FAM169A: variants seen among roughly 807,000 people sequenced by gnomAD.
FAM169A encodes the protein family with sequence similarity 169 member A, also known as soluble lamin-associated protein of 75 kDa.
In FAM169A, 24 loss-of-function variants were observed where a neutral mutation model predicts 75.7. The ratio of observed to expected loss-of-function variants is 0.32; its 90% CI spans 0.23 to 0.45. The LOEUF is 0.45. Ranked by LOEUF, FAM169A falls within the 20% of genes least tolerant of loss-of-function variation. The probability of loss-of-function intolerance (pLI) is 1.00; values close to 1 mark genes in which losing one functional copy is unlikely to be tolerated. For missense variants in FAM169A, 673 were observed against 784.0 expected, an observed-to-expected ratio of 0.86 and a Z score of 1.69; for synonymous variants, 271 against 271.0, an observed-to-expected ratio of 1.00 and a Z score of 0.00.
Position 74,799,880 on chromosome 5 carries a change from CAT to C in FAM169A, c.1103+998_1103+999del, listed in dbSNP as rs370232411. The C allele has an allele frequency of 1.2e-3, 1,223 of 991,694 alleles. 15 individuals are homozygous for C. In the African/African-American group the frequency reaches 0.017, roughly 13 times the overall value. The allele number at this position is 991,694 out of a possible 1,614,324, so 61.4% of individuals were successfully genotyped here. A position where few individuals can be genotyped will look rare whatever the true frequency, so the allele number is the denominator to read the frequency against. On this transcript the variant is annotated intron_variant, in intron 10 of 12. Coordinates refer to ENST00000687041, the MANE Select transcript of FAM169A (RefSeq NM_001376049.1). Reference sequence around the variant, plus strand: ...TTCCAAAACAGAGCATCCAACGCAACATGTCTGCCATGGAATGCTTCTGCAAC... The same window carrying C: ...TTCCAAAACAGAGCATCCAACGCAACGTCTGCCATGGAATGCTTCTGCAAC...
At position 74,786,047 on chromosome 5, in the gene FAM169A, G is replaced by A. The variant is rs1370270400; in HGVS notation, c.1261-2913C>T. Among the ~76,000 whole-genome samples the A allele has an allele frequency of 3.9e-5, 6 of 152,292 alleles. No individual in the cohort carries two copies. In the East Asian group the frequency reaches 1.2e-3, roughly 29 times the overall value. On this transcript the variant is annotated intron_variant, in intron 11 of 12. Coordinates refer to ENST00000687041, the MANE Select transcript of FAM169A (RefSeq NM_001376049.1). Reference sequence around the variant, plus strand: ...ATCTAATCAGCTGCCAGCATGGCCAGAATAAAAAGCAGGCAGAAGAACGTG... The same window carrying A: ...ATCTAATCAGCTGCCAGCATGGCCAAAATAAAAAGCAGGCAGAAGAACGTG...
chr5:74,851,669 C>T (rs952110928), intron 1 of FAM169A, among the ~76,000 whole-genome samples: 18 of 152,160 alleles, frequency 1.2e-4, no homozygotes, highest in Admixed American at 3.9e-4. Context: ...TAAAGTAATA[C>T]ATTTGCCTGT....
intron 11 of FAM169A, among the ~76,000 whole-genome samples, chr5:74,795,398 G>C (rs980328642): frequency 1.3e-5 from 2 of 152,094 alleles, no homozygotes; most frequent in African/African-American, 4.8e-5. Context: ...GAAAGGAAAA[G>C]ATTGAAGATA....
intron 11 of FAM169A, among the ~76,000 whole-genome samples, chr5:74,794,853 G>A (rs1319255056): frequency 1.3e-5 from 2 of 151,948 alleles, no homozygotes; most frequent in Non-Finnish European, 2.9e-5. Flanking sequence ...TACTCGGGAG[G>A]CAGAGGCAGG....
chr5:74,792,821 C>T (rs990087211), intron 11 of FAM169A, among the ~76,000 whole-genome samples: 3 of 152,088 alleles, frequency 2.0e-5, no homozygotes, highest in African/African-American at 7.2e-5. Context: ...CTAGTACAAC[C>T]ACTATGGAAA....
intron 6 of FAM169A, among the ~76,000 whole-genome samples, chr5:74,807,705 T>C (rs1746961076): frequency 1.3e-5 from 2 of 152,190 alleles, no homozygotes; most frequent in Non-Finnish European, 2.9e-5. Context: ...TACTGTGTAG[T>C]ATTTAAAACA....
chr5:74,826,440 C>T (rs1580132146), intron 5 of FAM169A, among the ~76,000 whole-genome samples: 1 of 152,138 alleles, frequency 6.6e-6, no homozygotes, highest in East Asian at 1.9e-4. Context: ...CTAGGGGAAC[C>T]ATTTATATTG....
intron 11 of FAM169A, among the ~76,000 whole-genome samples, chr5:74,795,690 A>G (rs1210168551): frequency 6.6e-6 from 1 of 152,214 alleles, no homozygotes; most frequent in Non-Finnish European, 1.5e-5. Flanking sequence ...AACTGGTTCT[A>G]TAAGGTAGAT....
chr5:74,793,787 C>G (rs1285882854), intron 11 of FAM169A, among the ~76,000 whole-genome samples: 1 of 151,320 alleles, frequency 6.6e-6, no homozygotes, highest in Admixed American at 6.6e-5. Context: ...GCGGATCACA[C>G]GGTCAGGAGA....
intron 11 of FAM169A, among the ~76,000 whole-genome samples, chr5:74,794,145 A>C (rs985847007): frequency 6.0e-5 from 9 of 149,598 alleles, no homozygotes; most frequent in African/African-American, 2.2e-4. Context: ...CCAGCCTGGC[A>C]AACATGATGA....
intron 1 of FAM169A, among the ~76,000 whole-genome samples, chr5:74,860,850 A>G (rs994852869): frequency 1.4e-5 from 2 of 146,850 alleles, no homozygotes; most frequent in African/African-American, 5.2e-5. Flanking sequence ...AAAAAAAAAA[A>G]GTCTAGGCCG....
rs148537833 is a variant in FAM169A, at chr5:74,809,762, T to A, written c.670+4078A>T. Among the ~76,000 whole-genome samples the A allele has an allele frequency of 3.9e-5, 6 of 152,310 alleles. No homozygotes were observed. The East Asian group carries it at 1.2e-3, about 29-fold the overall frequency. ...AAAATCTTTAGTCTTCAGGAAAACATAAATTGAAACCACATAATGAGTGCT... is the reference window on the plus strand; with the variant it reads ...AAAATCTTTAGTCTTCAGGAAAACAAAAATTGAAACCACATAATGAGTGCT... On this transcript the variant is annotated intron_variant, in intron 6 of 12. Transcript: ENST00000687041.
chr5:74,858,525 T>C (rs144178781), intron 1 of FAM169A, among the ~76,000 whole-genome samples: 101 of 152,200 alleles, frequency 6.6e-4, no homozygotes, highest in Non-Finnish European at 1.2e-3. Context: ...AAATGGGAGC[T>C]AAACACTGGG....
intron 11 of FAM169A, among the ~76,000 whole-genome samples, chr5:74,794,109 G>T (rs546766326): frequency 1.4e-5 from 2 of 146,668 alleles, no homozygotes; most frequent in Admixed American, 6.9e-5. Context: ...TTGGGAGGCC[G>T]AGAGGAGCGG....
rs1332855592 is a variant in FAM169A, at chr5:74,778,435, T to C, written c.*3025A>G. 1 of 152,046 alleles carries C rather than the reference T, an allele frequency of 6.6e-6. No homozygotes were observed. The highest frequency in any genetic ancestry group is 1.5e-5 in the Non-Finnish European group (1 of 67,910). 9.4% of individuals were successfully genotyped at this position (152,046 alleles called of 1,614,324 possible). A position where few individuals can be genotyped will look rare whatever the true frequency, so the allele number is the denominator to read the frequency against. On this transcript the variant is annotated 3_prime_UTR_variant, in exon 13 of 13. Transcript: ENST00000687041. ...TGCAATCATAAACCTTCAAGATTTC[T>C]AGTCACTGAAACCCCATTGTAGGTA...
At chr5:74,837,120 T>G (rs916751658) in intron 4 of FAM169A, among the ~76,000 whole-genome samples, 4 of 152,134 alleles carry the variant, frequency 2.6e-5, no homozygotes, top group Admixed American at 2.6e-4. Context: ...CATATTAAGA[T>G]TTTCCCTTCT....
chr5:74,787,642 G>A (rs1010629104), intron 11 of FAM169A, among the ~76,000 whole-genome samples: 7 of 152,202 alleles, frequency 4.6e-5, no homozygotes, highest in Non-Finnish European at 8.8e-5. Context: ...GGATCCTGAC[G>A]TGGCAGAGGC....
chr5:74,840,905 A>C (rs909552894), intron 2 of FAM169A, among the ~76,000 whole-genome samples: 5 of 152,026 alleles, frequency 3.3e-5, no homozygotes, highest in Non-Finnish European at 7.4e-5. Context: ...ATGCTTTAAC[A>C]TTTTTTTGCC....
At chr5:74,833,894 C>T (rs1010505669) in intron 5 of FAM169A, among the ~76,000 whole-genome samples, 1 of 152,126 alleles carries the variant, frequency 6.6e-6, no homozygotes, top group African/African-American at 2.4e-5. Context: ...CTGGCTCTTA[C>T]GATCAGAAAC....
Sources: allele counts gnomAD v4.1 joint callset (sites outside exome capture counted in the v4.1 genomes callset), GRCh38; gene constraint gnomAD v4.1.1; transcripts MANE v1.5; gene names NCBI Gene and HGNC (gene_info 2026-07-23, HGNC 2026-07-21).